Variants in MCCC1 observed in about 807,000 individuals in gnomAD.
The protein encoded by MCCC1 is methylcrotonoyl-CoA carboxylase subunit alpha, mitochondrial.
Under a neutral mutation model 83.8 loss-of-function variants are expected in MCCC1, and 64 were observed. That is an observed-to-expected ratio of 0.76 (90% CI 0.62 to 0.94). MCCC1 has a LOEUF of 0.94. Ranked by LOEUF, MCCC1 falls within the 40% of genes least tolerant of loss-of-function variation. The pLI, the probability that MCCC1 is intolerant of heterozygous loss-of-function variation, is 0.00. For synonymous variants in MCCC1, 322 were observed against 315.4 expected (o/e 1.02, Z -0.22); for missense variants, 807 against 904.7 (o/e 0.89, Z 1.39).
chr3:183,056,725 C>T (rs572420658), intron 8 of MCCC1, among the ~76,000 whole-genome samples: 3 of 152,228 alleles, frequency 2.0e-5, no homozygotes, highest in African/African-American at 7.2e-5. Context: ...AAGAGTTTTG[C>T]TCTTGTTGCC....
At chr3:183,074,968 A>G (rs889666795) in intron 4 of MCCC1, among the ~76,000 whole-genome samples, 1 of 152,106 alleles carries the variant, frequency 6.6e-6, no homozygotes, top group African/African-American at 2.4e-5. Context: ...AACATGCAGT[A>G]TTTGGTTTTC....
At chr3:183,088,999 C>T (rs773234351) in intron 3 of MCCC1, among the ~76,000 whole-genome samples, 1 of 152,192 alleles carries the variant, frequency 6.6e-6, no homozygotes, top group Non-Finnish European at 1.5e-5. Context: ...TATGTGAGCA[C>T]GTCTGTGGGA....
rs538312298 is a variant in MCCC1, at chr3:183,088,268, G to A, written c.274-1480C>T. On this transcript the variant is annotated intron_variant, in intron 3 of 18. Coordinates refer to ENST00000265594, the MANE Select transcript of MCCC1 (RefSeq NM_020166.5). ...GTCGCCCAGGCTGGAATGTAGTGGCGCGATCTCGGCTCACTGCAACCTCTG... is the reference window on the plus strand; with the variant it reads ...GTCGCCCAGGCTGGAATGTAGTGGCACGATCTCGGCTCACTGCAACCTCTG... Among the ~76,000 whole-genome samples, 147 of 150,690 alleles carry A rather than the reference G, an allele frequency of 9.8e-4. 1 individual carries two copies. Among genetic ancestry groups the A allele is most frequent in the African/African-American group, 3.4e-3 (140 of 41,128 alleles).
intron 1 of MCCC1, 55 bp downstream of exon 1, chr3:183,099,297 T>C: frequency 6.5e-7 from 1 of 1,537,736 alleles, no homozygotes; most frequent in Non-Finnish European, 8.8e-7. Flanking sequence ...CTCACGCGGG[T>C]CCGTGCACCC....
chr3:183,109,340 G>A (rs761871099), intron 1 of MCCC1, among the ~76,000 whole-genome samples: 7 of 152,052 alleles, frequency 4.6e-5, no homozygotes, highest in African/African-American at 7.2e-5. Flanking sequence ...GAGGTTTAGC[G>A]TACAAATGAT....
rs759359909 is a variant in MCCC1, at chr3:183,039,098, C to A, written c.1305G>T (p.Ala435=). 6.2e-7 allele frequency: 1 copy of A among 1,614,196 alleles called. No individual in the cohort carries two copies. Residue 435 remains alanine (A), a synonymous_variant, in exon 12 of 19, where the codon GCG becomes GCT. Coordinates refer to ENST00000265594, the MANE Select transcript of MCCC1 (RefSeq NM_020166.5). ...EVSVHYDPMI[A]KLVVWAADRQ... The stretch of plus-strand genomic sequence containing the variant: ...GATCTGCTGCCCACACGACCAGCTT[C>A]GCAATCATGGGGTCATAATGCACGG...
At chr3:183,019,786 T>C (rs1195485168) in intron 17 of MCCC1, among the ~76,000 whole-genome samples, 1 of 152,234 alleles carries the variant, frequency 6.6e-6, no homozygotes, top group Non-Finnish European at 1.5e-5. Flanking sequence ...CATTATTTCA[T>C]GAAAAATTTG....
intron 4 of MCCC1, among the ~76,000 whole-genome samples, chr3:183,078,285 G>A (rs142445158): frequency 6.6e-6 from 1 of 152,174 alleles, no homozygotes; most frequent in Non-Finnish European, 1.5e-5. Context: ...CTCCCAAAAT[G>A]CTGGGGATTA....
Position 183,037,217 on chromosome 3 carries a change from C to G in MCCC1, c.1594+1G>C. ...AGAGGAAAGAGAAAAGCCTTCCATACCATGTGCCTGAAGAGTGAAAGTGTC... is the reference window on the plus strand; with the variant it reads ...AGAGGAAAGAGAAAAGCCTTCCATAGCATGTGCCTGAAGAGTGAAAGTGTC... On this transcript the variant is annotated splice_donor_variant, in intron 13 of 18. Transcript: ENST00000265594. LOFTEE classifies it high-confidence loss of function. 6.2e-7 allele frequency: 1 copy of G among 1,613,234 alleles called. No homozygotes were observed. The highest frequency in any genetic ancestry group is 8.5e-7 in the Non-Finnish European group (1 of 1,180,004).
chr3:183,102,259 G>A (rs1176596073), upstream of MCCC1, among the ~76,000 whole-genome samples: 3 of 152,000 alleles, frequency 2.0e-5, no homozygotes, highest in Non-Finnish European at 4.4e-5. Context: ...CCAGCTACTC[G>A]GGAGACTGAG....
At chr3:183,096,216 A>G (rs1415962320) in intron 1 of MCCC1, among the ~76,000 whole-genome samples, 1 of 152,006 alleles carries the variant, frequency 6.6e-6, no homozygotes, top group Non-Finnish European at 1.5e-5. Context: ...CGCACCTGTA[A>G]TCTCAGCTAC....
intron 4 of MCCC1, among the ~76,000 whole-genome samples, chr3:183,084,534 T>C (rs1163607691): frequency 6.6e-6 from 1 of 152,342 alleles, no homozygotes; most frequent in South Asian, 2.1e-4. Context: ...ATTTTAAATA[T>C]GCATTTGTAT....
rs557695078 is a variant in MCCC1 at position 183,099,390 on chromosome 3, G to C, written c.51C>G (p.Asn17Lys). 17 of 1,604,842 alleles carry C rather than the reference G, an allele frequency of 1.1e-5. No homozygotes were observed. Among genetic ancestry groups the C allele is most frequent in the Non-Finnish European group, 1.4e-5 (16 of 1,177,446 alleles). Residue 17 changes from asparagine to lysine, a missense_variant, in exon 1 of 19, where the codon AAC becomes AAG. Asn to Lys is a moderately conservative substitution (Grantham distance 94). Transcript: ENST00000265594. ...VSVLLVAAER[N>K]RWHRLPSLLL... ...GCAGGCTCGGGAGACGATGCCACCG[G>C]TTCCTCTCCGCCGCCACCAGCAGCA...
At chr3:183,044,352 C>T (rs4859268) in intron 10 of MCCC1, among the ~76,000 whole-genome samples, 142,384 of 152,324 alleles carry the variant, frequency 0.93, 66,590 homozygotes, top group East Asian at 1. Context: ...TTCTGGTTTA[C>T]ACCAGTGCTT....
intron 4 of MCCC1, among the ~76,000 whole-genome samples, chr3:183,074,761 GA>G (rs1160862710): frequency 1.3e-5 from 2 of 152,190 alleles, no homozygotes; most frequent in Non-Finnish European, 2.9e-5. Context: ...GGGTGCATGT[GA>G]AGATTACACA....
At chr3:183,109,607 T>C (rs1440166595) in intron 1 of MCCC1, among the ~76,000 whole-genome samples, 1 of 152,238 alleles carries the variant, frequency 6.6e-6, no homozygotes, top group East Asian at 1.9e-4. Flanking sequence ...TATGGTTGTG[T>C]AGTATTCCAT....
At chr3:183,086,840 A>G in intron 3 of MCCC1, 52 bp from the exon 4 acceptor site, 1 of 1,482,160 alleles carries the variant, frequency 6.7e-7, no homozygotes, top group Admixed American at 1.8e-5. Context: ...GTACATACTC[A>G]TACACTATAC....
intron 4 of MCCC1, among the ~76,000 whole-genome samples, chr3:183,072,753 G>A (rs1044135631): frequency 2.6e-5 from 4 of 152,204 alleles, no homozygotes; most frequent in Non-Finnish European, 2.9e-5. Context: ...TTGCAAGTAT[G>A]TAATTCAGTG....
intron 2 of MCCC1, 106 bp downstream of exon 2, chr3:183,094,453 T>C (rs959047005): frequency 7.2e-6 from 8 of 1,105,930 alleles, no homozygotes; most frequent in Non-Finnish European, 1.1e-5. Context: ...CCAAAATTTA[T>C]GATAACTAAT....
Sources: allele counts gnomAD v4.1 joint callset (sites outside exome capture counted in the v4.1 genomes callset), GRCh38; gene constraint gnomAD v4.1.1; transcripts MANE v1.5; gene names NCBI Gene and HGNC (gene_info 2026-07-23, HGNC 2026-07-21).